Variants in ADAMTSL2 observed in about 807,000 individuals in gnomAD.
ADAMTSL2 encodes ADAMTS like 2.
Under a neutral mutation model 117.0 loss-of-function variants are expected in ADAMTSL2, and 55 were observed. That is an observed-to-expected ratio of 0.47 (90% CI 0.38 to 0.59). The LOEUF (loss-of-function observed/expected upper bound fraction) is 0.59, where lower values mean the gene tolerates loss of function less well. Among genes scored for constraint, ADAMTSL2 ranks in the 20% least tolerant of loss-of-function variants. ADAMTSL2 has a pLI of 0.00. For missense variants in ADAMTSL2, 1,182 were observed against 1,354.5 expected, an observed-to-expected ratio of 0.87 and a Z score of 2.00; for synonymous variants, 572 against 566.4, an observed-to-expected ratio of 1.01 and a Z score of -0.14.
rs61733946 is a variant in ADAMTSL2, at chr9:133,570,351, C to T, written c.2436C>T (p.Arg812=). 151,227 of 1,548,678 alleles carry T rather than the reference C, an allele frequency of 0.098. 8,579 individuals are homozygous for T. The highest frequency in any genetic ancestry group is 0.12 in the Non-Finnish European group (135,679 of 1,147,862). ...CTCAGTGCAACACCACCTGCGGGCGCGGGGTCAAGAAGCGGCTGGTGCTCT... is the reference window on the plus strand; with the variant it reads ...CTCAGTGCAACACCACCTGCGGGCGTGGGGTCAAGAAGCGGCTGGTGCTCT... ...DWERCNTTCG[R]GVKKRLVLCM... The change falls in exon 17 of 19, where the codon CGC becomes CGT. Residue 812 remains arginine (R), a synonymous_variant. Transcript: ENST00000651351.
rs1830106753 is a variant in ADAMTSL2 at position 133,538,409 on chromosome 9, G to T, written c.294G>T (p.Gln98His). Residue 98 changes from glutamine (Q) to histidine (H), a missense_variant, in exon 4 of 19, where the codon CAG becomes CAT. Gln to His is a conservative substitution (Grantham distance 24). Around this residue, in one of 3 missense-constraint regions of ADAMTSL2, gnomAD observed 372 missense variants for 463.4 expected, o/e 0.80. Transcript: ENST00000651351. ...RTCTGTSKRY[Q>H]LCRVQECPPD... ...GCACGGGCACGTCCAAGCGGTACCA[G>T]CTCTGCAGAGTGCAGGTGAGGCCCG... The T allele has an allele frequency of 6.2e-7, 1 of 1,613,248 alleles. No homozygotes were observed.
In ADAMTSL2 at chr9:133,547,137, G is replaced by A. The variant is rs1564498776; in HGVS notation, c.863G>A (p.Arg288Gln). 2 of 1,614,138 alleles carry A rather than the reference G, an allele frequency of 1.2e-6. No homozygotes were observed. Among genetic ancestry groups the A allele is most frequent in the Non-Finnish European group, 1.7e-6 (2 of 1,180,016 alleles). Residue 288 changes from arginine to glutamine, a missense_variant, in exon 9 of 19, where the codon CGG becomes CAG. This residue lies in a region of ADAMTSL2 where 372 missense variants were observed against 463.4 expected (regional missense o/e 0.80). Transcript: ENST00000651351. ...GCAGGCACGGTGGTCAAGTACAGGC[G>A]GCCCATGGATGTCTATGAGACCGGA... Reference protein sequence around the residue: ...NIAGTVVKYRRPMDVYETGIE... With the variant: ...NIAGTVVKYRQPMDVYETGIE...
At chr9:133,544,177 C>T (rs1830293244) in intron 7 of ADAMTSL2, among the ~76,000 whole-genome samples, 1 of 152,224 alleles carries the variant, frequency 6.6e-6, no homozygotes, top group Admixed American at 6.5e-5. Flanking sequence ...ACTGAACTCC[C>T]AGTGTGCTCC....
rs983037163 is a variant in ADAMTSL2, at chr9:133,554,630, G to A, written c.1213G>A (p.Glu405Lys). Residue 405 changes from glutamate to lysine, a missense_variant, in exon 10 of 19, where the codon GAG (glutamate) becomes AAG (lysine). By Grantham distance (56) the Glu-to-Lys change is moderately conservative (BLOSUM62 1). This residue lies in a region of ADAMTSL2 where 345 missense variants were observed against 325.8 expected (regional missense o/e 1.06). Transcript: ENST00000651351. The surrounding 1 kb of genome is among the most constrained non-coding windows in gnomAD (Gnocchi z 5.2). Reference sequence around the variant, plus strand: ...CCCCAGCCAGGGCCAGGAGACCAACGAGGTGTGCGAGCAGGCCGGCGGCGG... The same window carrying A: ...CCCCAGCCAGGGCCAGGAGACCAACAAGGTGTGCGAGCAGGCCGGCGGCGG... The part of the protein sequence containing the change: ...LGPSQGQETN[E>K]VCEQAGGGAC... 68 of 1,542,486 alleles carry A rather than the reference G, an allele frequency of 4.4e-5. No homozygotes were observed. The highest frequency in any genetic ancestry group is 2.0e-4 in the Middle Eastern group (1 of 4,932).
In ADAMTSL2 at chr9:133,554,747, G is replaced by A. The variant is rs1391847109; in HGVS notation, c.1276+54G>A. Reference sequence around the variant, plus strand: ...GGGGCCCGGGAGGCAGCCCAGGGAAGGGGGCCTTGGGGAAGGGGTCTCAGA... The same window carrying A: ...GGGGCCCGGGAGGCAGCCCAGGGAAAGGGGCCTTGGGGAAGGGGTCTCAGA... On this transcript the variant is annotated intron_variant, in intron 10 of 18. Coordinates refer to ENST00000651351, the MANE Select transcript of ADAMTSL2 (RefSeq NM_014694.4). The surrounding 1 kb of genome is among the most constrained non-coding windows in gnomAD (Gnocchi z 5.2). 13 of 1,407,618 alleles carry A rather than the reference G, an allele frequency of 9.2e-6. No individual in the cohort carries two copies. Among genetic ancestry groups the A allele is most frequent in the Non-Finnish European group, 1.2e-5 (13 of 1,063,358 alleles). 87.2% of individuals were successfully genotyped at this position (1,407,618 alleles called of 1,614,324 possible).
intron 13 of ADAMTSL2, among the ~76,000 whole-genome samples, 155 bp downstream of exon 13, chr9:133,567,217 CAG>C (rs1342808151): frequency 2.6e-5 from 4 of 152,234 alleles, no homozygotes; most frequent in African/African-American, 4.8e-5. Context: ...CCTCACCCCT[CAG>C]AGACCTTCTG....
At chr9:133,562,683 C>T (rs1168371971) in intron 12 of ADAMTSL2, among the ~76,000 whole-genome samples, 2 of 144,182 alleles carry the variant, frequency 1.4e-5, no homozygotes, top group African/African-American at 2.5e-5. Flanking sequence ...AGGCTCGCAC[C>T]GCCGTGGGCG....
At chr9:133,564,851 G>A (rs886110549) in intron 12 of ADAMTSL2, among the ~76,000 whole-genome samples, 10 of 152,056 alleles carry the variant, frequency 6.6e-5, no homozygotes, top group East Asian at 3.9e-4. Flanking sequence ...GTGTCCGTGC[G>A]GATGTCCCAT....
chr9:133,573,761 A>C (rs1044311514), intron 17 of ADAMTSL2, 82 bp from the exon 18 acceptor site: 480 of 1,553,784 alleles, frequency 3.1e-4, no homozygotes, highest in Non-Finnish European at 4.2e-4. Context: ...GGGAAGGGGG[A>C]GTGTGCAGGT....
intron 7 of ADAMTSL2, among the ~76,000 whole-genome samples, chr9:133,541,322 T>A (rs1440079237): frequency 6.6e-6 from 1 of 151,092 alleles, no homozygotes; most frequent in Non-Finnish European, 1.5e-5. Context: ...AGAGTCTTGC[T>A]CTGTTGCCCA....
At chr9:133,540,514 T>C in intron 5 of ADAMTSL2, 84 bp from the exon 6 acceptor site, 1 of 1,544,652 alleles carries the variant, frequency 6.5e-7, no homozygotes, top group Non-Finnish European at 8.8e-7. Flanking sequence ...ATGGGAGCTG[T>C]CTCAGAGGGA....
intron 18 of ADAMTSL2, 135 bp from the exon 19 acceptor site, chr9:133,574,611 A>G: frequency 1.3e-6 from 1 of 783,514 alleles, no homozygotes; most frequent in Non-Finnish European, 2.3e-6. Context: ...GAGGGGGCAG[A>G]GAGCTAGAGA....
intron 7 of ADAMTSL2, among the ~76,000 whole-genome samples, chr9:133,542,122 G>A (rs1194859881): frequency 6.6e-6 from 1 of 152,204 alleles, no homozygotes; most frequent in Admixed American, 6.5e-5. Context: ...TCGAGGGAAT[G>A]ACCTCAGCCT....
intron 3 of ADAMTSL2, among the ~76,000 whole-genome samples, chr9:133,537,918 C>T (rs772712385): frequency 3.3e-5 from 5 of 152,206 alleles, no homozygotes; most frequent in South Asian, 4.1e-4. Context: ...GGAAAGCCTC[C>T]GCTGCCAGAT....
At chr9:133,555,421 G>GGCAGAAGCCCTCCTTCTGGGA (rs1830582837) in intron 10 of ADAMTSL2, 137 bp from the exon 11 acceptor site, 3 of 1,098,740 alleles carry the variant, frequency 2.7e-6, no homozygotes, top group Non-Finnish European at 4.0e-6. Context: ...CCTCTAGTTA[G>GGCAGAAGCCCTCCTTCTGGGA]GCAGAAGCCC....
At chr9:133,550,057 A>T (rs918684962) in intron 9 of ADAMTSL2, among the ~76,000 whole-genome samples, 5 of 152,330 alleles carry the variant, frequency 3.3e-5, no homozygotes, top group African/African-American at 1.2e-4. Context: ...AAGCTCCCCC[A>T]TCCAAGACCC....
In ADAMTSL2 at chr9:133,574,856, C is replaced by T. The variant is rs1045990677; in HGVS notation, c.2848C>T (p.His950Tyr). The T allele has an allele frequency of 2.5e-6, 4 of 1,607,560 alleles. No homozygotes were observed. Among genetic ancestry groups the T allele is most frequent in the Non-Finnish European group, 3.4e-6 (4 of 1,175,274 alleles). The change falls in exon 19 of 19, where the codon CAC becomes TAC. Residue 950 changes from histidine (H) to tyrosine (Y), a missense_variant. By Grantham distance (83) the His-to-Tyr change is moderately conservative (BLOSUM62 2). Around this residue, in one of 3 missense-constraint regions of ADAMTSL2, gnomAD observed 465 missense variants for 565.3 expected, o/e 0.82. Coordinates refer to ENST00000651351, the MANE Select transcript of ADAMTSL2 (RefSeq NM_014694.4). ...KACCRSCRPP[H>Y]S The stretch of plus-strand genomic sequence containing the variant: ...GTGCTGCCGCTCCTGCAGGCCCCCC[C>T]ACTCCTAGGCCCGGCAGCTGCAGCC...
chr9:133,535,108 C>T (rs982840325), intron 1 of ADAMTSL2, among the ~76,000 whole-genome samples, 191 bp downstream of exon 1: 12 of 152,128 alleles, frequency 7.9e-5, no homozygotes, highest in African/African-American at 1.2e-4. Context: ...CCTTGTGCGC[C>T]CGGAGCTCTG....
chr9:133,550,795 G>C (rs184202915), intron 9 of ADAMTSL2, among the ~76,000 whole-genome samples: 1 of 152,284 alleles, frequency 6.6e-6, no homozygotes, highest in East Asian at 1.9e-4. Flanking sequence ...TCATTCACCC[G>C]TTGTGCCTGC....
Sources: allele counts gnomAD v4.1 joint callset (sites outside exome capture counted in the v4.1 genomes callset), GRCh38; gene constraint gnomAD v4.1.1; regional missense constraint gnomAD v4.1.1; non-coding constraint Gnocchi (gnomAD v3.1); transcripts MANE v1.5; gene names NCBI Gene and HGNC (gene_info 2026-07-23, HGNC 2026-07-21).